ORC3: variants seen among roughly 807,000 people sequenced by gnomAD.
ORC3 encodes homolog of latheo, Drosophila.
In ORC3, 78 loss-of-function variants were observed where a neutral mutation model predicts 100.7. The ratio of observed to expected loss-of-function variants is 0.77; its 90% CI spans 0.65 to 0.94. The LOEUF is 0.94. Ranked by LOEUF, ORC3 falls within the 40% of genes least tolerant of loss-of-function variation. The pLI, the probability that ORC3 is intolerant of heterozygous loss-of-function variation, is 0.00. For missense variants in ORC3, 789 were observed against 823.9 expected (o/e 0.96, Z 0.52); for synonymous variants, 295 against 289.3 (o/e 1.02, Z -0.20).
At chr6:87,608,988 C>G in intron 6 of ORC3, 108 bp from the exon 7 acceptor site, 1 of 819,906 alleles carries the variant, frequency 1.2e-6, no homozygotes, top group Non-Finnish European at 1.8e-6. Flanking sequence ...AAAAAATAAA[C>G]AGTGTTATTG....
At chr6:87,631,020 G>T (rs1398025464) in intron 11 of ORC3, among the ~76,000 whole-genome samples, 1 of 151,798 alleles carries the variant, frequency 6.6e-6, no homozygotes, top group African/African-American at 2.4e-5. Flanking sequence ...ACAGGCACAT[G>T]CCACCATGCC....
chr6:87,668,179 T>C (rs2128298188), downstream of ORC3, among the ~76,000 whole-genome samples: 1 of 152,290 alleles, frequency 6.6e-6, no homozygotes, highest in African/African-American at 2.4e-5. Flanking sequence ...TATGGGACTT[T>C]AAGGCTACTC....
chr6:87,602,898 A>ATATATAT (rs202127798), intron 3 of ORC3, among the ~76,000 whole-genome samples: 1 of 91,210 alleles, frequency 1.1e-5, no homozygotes, highest in Non-Finnish European at 2.0e-5. Context: ...CATATATCAT[A>ATATATAT]TATATATTAT....
At chr6:87,612,313 A>C in intron 8 of ORC3, 65 bp downstream of exon 8, 1 of 1,128,960 alleles carries the variant, frequency 8.9e-7, no homozygotes, top group South Asian at 1.6e-5. Flanking sequence ...TAGATTGTTA[A>C]GATAACTGTT....
At chr6:87,677,536 A>C in the ORC3 span, among the ~76,000 whole-genome samples, 1 of 152,216 alleles carries the variant, frequency 6.6e-6, no homozygotes, top group East Asian at 1.9e-4. Flanking sequence ...TATAAAGTCA[A>C]AAAATCCACA....
At chr6:87,670,342 T>G (rs1008817683), downstream of ORC3, among the ~76,000 whole-genome samples, 1 of 152,060 alleles carries the variant, frequency 6.6e-6, no homozygotes, top group African/African-American at 2.4e-5. Flanking sequence ...ATTTTTGTAT[T>G]TTTAGTAGAG....
intron 14 of ORC3, among the ~76,000 whole-genome samples, 197 bp downstream of exon 14, chr6:87,653,446 A>C (rs747622307): frequency 6.6e-6 from 1 of 152,240 alleles, no homozygotes; most frequent in Non-Finnish European, 1.5e-5. Context: ...ATTTGGTTTA[A>C]ACAATGGAGA....
At chr6:87,675,070 T>TCATA in the ORC3 span, 2 of 140,052 alleles carry the variant, frequency 1.4e-5, no homozygotes, top group Non-Finnish European at 3.1e-5. Flanking sequence ...AAAAAAAAAA[T>TCATA]CATACAAACC....
chr6:87,602,954 A>ATATAATATATATATATAT (rs1554236515), intron 3 of ORC3, among the ~76,000 whole-genome samples: 1 of 95,300 alleles, frequency 1.0e-5, no homozygotes, highest in East Asian at 3.0e-4. Flanking sequence ...ACACATATAT[A>ATATAATATATATATATAT]ATATATATAT....
downstream of ORC3, among the ~76,000 whole-genome samples, chr6:87,668,378 T>G (rs1351425544): frequency 6.6e-6 from 1 of 152,188 alleles, no homozygotes; most frequent in East Asian, 1.9e-4. Context: ...GTTTTGGATT[T>G]TAGATTTTGA....
At chr6:87,626,957 A>G (rs966232075) in intron 11 of ORC3, among the ~76,000 whole-genome samples, 12 of 152,084 alleles carry the variant, frequency 7.9e-5, no homozygotes, top group African/African-American at 2.9e-4. Flanking sequence ...ATAAAAATTA[A>G]GATCAATATG....
intron 2 of ORC3, among the ~76,000 whole-genome samples, chr6:87,600,464 G>A (rs1777812799): frequency 6.6e-6 from 1 of 152,138 alleles, no homozygotes; most frequent in Non-Finnish European, 1.5e-5. Context: ...GAAGTGACAG[G>A]ATTACTGTAA....
intron 14 of ORC3, among the ~76,000 whole-genome samples, chr6:87,653,803 C>T (rs183755795): frequency 6.6e-6 from 1 of 152,262 alleles, no homozygotes; most frequent in East Asian, 1.9e-4. Flanking sequence ...AGCAGCCTGG[C>T]ACTCTTCACT....
chr6:87,669,077 A>C (rs1770777148), downstream of ORC3, among the ~76,000 whole-genome samples: 2 of 152,258 alleles, frequency 1.3e-5, no homozygotes, highest in Admixed American at 6.5e-5. Flanking sequence ...GAATCGCTTA[A>C]ACCCAGAAGG....
intron 19 of ORC3, among the ~76,000 whole-genome samples, chr6:87,666,509 G>T (rs1770646890): frequency 6.8e-6 from 1 of 147,668 alleles, no homozygotes; most frequent in Non-Finnish European, 1.5e-5. Flanking sequence ...CACGATCTCG[G>T]CTCACCGCAA....
intron 2 of ORC3, among the ~76,000 whole-genome samples, chr6:87,600,174 T>C (rs1777788461): frequency 6.6e-6 from 1 of 152,196 alleles, no homozygotes; most frequent in Non-Finnish European, 1.5e-5. Flanking sequence ...AGTGAATTTA[T>C]ATTCCAAACT....
intron 11 of ORC3, among the ~76,000 whole-genome samples, chr6:87,632,602 C>T (rs1319729556): frequency 6.6e-6 from 1 of 152,116 alleles, no homozygotes; most frequent in Non-Finnish European, 1.5e-5. Context: ...GTGGCTCACA[C>T]CTGTAATCCC....
Position 87,601,956 on chromosome 6 carries a change from A to G in ORC3, c.177+75A>G, listed in dbSNP as rs940509133. The G allele has an allele frequency of 3.6e-6, 3 of 835,814 alleles. No homozygotes were observed. In the African/African-American group the frequency reaches 5.1e-5, roughly 14 times the overall value. 51.8% of individuals were successfully genotyped at this position (835,814 alleles called of 1,614,324 possible). A position where few individuals can be genotyped will look rare whatever the true frequency, so the allele number is the denominator to read the frequency against. ...GTTGCATCTCATCTTCCTTTCCACC[A>G]GTTTACAAGAGTATTGATGAAATAT... On this transcript the variant is annotated intron_variant, in intron 3 of 19. Transcript: ENST00000392844.
At chr6:87,647,099 G>C (rs1043817244) in intron 13 of ORC3, among the ~76,000 whole-genome samples, 15 of 152,098 alleles carry the variant, frequency 9.9e-5, no homozygotes, top group African/African-American at 3.6e-4. Flanking sequence ...TGGTTTTTCT[G>C]CTCCCCTACA....
Sources: gnomAD v4.1 joint callset for allele counts (sites outside exome capture counted in the v4.1 genomes callset) on GRCh38, gnomAD v4.1.1 for gene constraint, MANE v1.5 for transcripts, NCBI Gene and HGNC (gene_info 2026-07-23, HGNC 2026-07-21) for gene names.